ARHGAP18: variants seen among roughly 807,000 people sequenced by gnomAD.
ARHGAP18 encodes Rho GTPase activating protein 18.
Under a neutral mutation model 86.2 loss-of-function variants are expected in ARHGAP18, and 67 were observed. That is an observed-to-expected ratio of 0.78 (90% CI 0.64 to 0.95). The LOEUF is 0.95. ARHGAP18 is among the 40% of genes least tolerant of loss of function. The pLI, the probability that ARHGAP18 is intolerant of heterozygous loss-of-function variation, is 0.00. For missense variants in ARHGAP18, 691 were observed against 780.4 expected, an observed-to-expected ratio of 0.89 and a Z score of 1.37; for synonymous variants, 283 against 280.4, an observed-to-expected ratio of 1.01 and a Z score of -0.09.
At chr6:129,665,729 G>C (rs1774024428) in intron 1 of ARHGAP18, among the ~76,000 whole-genome samples, 1 of 152,132 alleles carries the variant, frequency 6.6e-6, no homozygotes, top group Admixed American at 6.6e-5. Flanking sequence ...GAAAAGCCTG[G>C]ATCATATCCC....
intron 1 of ARHGAP18, 152 bp from the exon 2 acceptor site, chr6:129,642,170 TG>T: frequency 1.5e-6 from 1 of 671,740 alleles, no homozygotes; most frequent in Non-Finnish European, 2.5e-6. Flanking sequence ...CAGTTTACTA[TG>T]GATTATAATA....
In ARHGAP18 at chr6:129,600,645, C is replaced by G; in HGVS notation, c.1569G>C (p.Trp523Cys). The G allele has an allele frequency of 6.2e-7, 1 of 1,612,654 alleles. No homozygotes were observed. Among genetic ancestry groups the G allele is most frequent in the Non-Finnish European group, 8.5e-7 (1 of 1,179,022 alleles). The change falls in exon 11 of 15, where the codon TGG becomes TGC. Residue 523 changes from tryptophan (W) to cysteine (C), a missense_variant. Transcript: ENST00000368149. ...HLLIKYQKLL[W>C]TIPKFIVNQV... ...AAAGCATATGATATATACTTACTGT[C>G]CACAGAAGTTTTTGGTACTTAATCA...
chr6:129,684,142 G>A (rs1014867291), intron 1 of ARHGAP18, among the ~76,000 whole-genome samples: 1 of 152,224 alleles, frequency 6.6e-6, no homozygotes, highest in African/African-American at 2.4e-5. Context: ...GTCAGGAGTG[G>A]CAAGGCAGGC....
At chr6:129,593,781 G>A (rs1436766422) in intron 12 of ARHGAP18, among the ~76,000 whole-genome samples, 1 of 152,052 alleles carries the variant, frequency 6.6e-6, no homozygotes, top group African/African-American at 2.4e-5. Flanking sequence ...TATAATTAAT[G>A]GATAAGACAT....
chr6:129,583,967 T>G (rs774838112), intron 13 of ARHGAP18, 21 bp downstream of exon 13: 1 of 1,609,554 alleles, frequency 6.2e-7, no homozygotes, highest in Admixed American at 1.7e-5. Context: ...ATGGCATAAT[T>G]AACACAAAAC....
rs191935343 is a variant in ARHGAP18, at chr6:129,616,273, G to A, written c.983C>T (p.Ala328Val). Reference protein sequence around the residue: ...DSGLFCVPLTALLEQDQRKVP... With the variant: ...DSGLFCVPLTVLLEQDQRKVP... ...TTTCCTCTGATCTTGTTCTAATAGC[G>A]CTGTCAATGGAACGCAAAAAAGACC... is the stretch of plus-strand genomic sequence containing the variant. The change falls in exon 7 of 15, where the codon GCG (alanine) becomes GTG (valine). Residue 328 changes from alanine (A) to valine (V), a missense_variant. By Grantham distance (64) the Ala-to-Val change is moderately conservative. Transcript: ENST00000368149. The A allele has an allele frequency of 1.7e-5, 28 of 1,609,464 alleles. No individual in the cohort carries two copies. Among genetic ancestry groups the A allele is most frequent in the Admixed American group, 1.5e-4 (9 of 59,878 alleles).
intron 5 of ARHGAP18, among the ~76,000 whole-genome samples, chr6:129,624,876 C>G (rs556316720): frequency 6.2e-4 from 92 of 147,586 alleles, no homozygotes; most frequent in African/African-American, 2.3e-3. Flanking sequence ...ATCCAGGAGG[C>G]GGAGGTTGCA....
intron 12 of ARHGAP18, among the ~76,000 whole-genome samples, chr6:129,593,965 G>A (rs915587683): frequency 6.6e-6 from 1 of 152,104 alleles, no homozygotes. Context: ...TAAACGGTTA[G>A]TTTTAATAGC....
chr6:129,703,086 T>C (rs1385478643), intron 1 of ARHGAP18, among the ~76,000 whole-genome samples: 1 of 151,060 alleles, frequency 6.6e-6, no homozygotes, highest in Non-Finnish European at 1.5e-5. Flanking sequence ...GAGCAAGGAG[T>C]AGAGGGAACT....
At chr6:129,689,519 C>G (rs1405433928) in intron 1 of ARHGAP18, among the ~76,000 whole-genome samples, 1 of 152,074 alleles carries the variant, frequency 6.6e-6, no homozygotes, top group Non-Finnish European at 1.5e-5. Flanking sequence ...TCTCCAACTC[C>G]TAGCCTCAAA....
chr6:129,659,013 T>A (rs1449618924), intron 1 of ARHGAP18, among the ~76,000 whole-genome samples: 1 of 152,214 alleles, frequency 6.6e-6, no homozygotes, highest in Non-Finnish European at 1.5e-5. Context: ...GAAAAGCAGA[T>A]CAAATTAATG....
chr6:129,626,270 G>A (rs1052263139), intron 5 of ARHGAP18, among the ~76,000 whole-genome samples: 19 of 151,454 alleles, frequency 1.3e-4, no homozygotes, highest in Non-Finnish European at 2.2e-4. Context: ...ACACCACTAA[G>A]TCAACAAAAC....
chr6:129,627,785 T>A (rs1203319132), intron 5 of ARHGAP18, among the ~76,000 whole-genome samples: 1 of 152,146 alleles, frequency 6.6e-6, no homozygotes, highest in Non-Finnish European at 1.5e-5. Flanking sequence ...TGACTCAAAC[T>A]GTATAAAAAG....
Position 129,616,247 on chromosome 6 carries a change from C to G in ARHGAP18, c.1009G>C (p.Val337Leu). 1 of 1,611,748 alleles carries G rather than the reference C, an allele frequency of 6.2e-7. No individual in the cohort carries two copies. The highest frequency in any genetic ancestry group is 8.5e-7 in the Non-Finnish European group (1 of 1,178,734). Residue 337 changes from valine to leucine, a missense_variant, in exon 7 of 15, where the codon GTA (valine) becomes CTA (leucine). By Grantham distance (32) the Val-to-Leu change is conservative. Coordinates refer to ENST00000368149, the MANE Select transcript of ARHGAP18 (RefSeq NM_033515.3). ...ATCAAGGGTATTCGCATTCCTGGTA[C>G]TTTCCTCTGATCTTGTTCTAATAGC... ...TALLEQDQRK[V>L]PGMRIPLIFQ...
chr6:129,687,483 G>A (rs1039762695), intron 1 of ARHGAP18, among the ~76,000 whole-genome samples: 1 of 152,126 alleles, frequency 6.6e-6, no homozygotes, highest in African/African-American at 2.4e-5. Context: ...GGACACCTGG[G>A]CTCAGGCTCA....
At chr6:129,629,317 A>G (rs1773136016) in intron 5 of ARHGAP18, 36 bp downstream of exon 5, 4 of 1,580,048 alleles carry the variant, frequency 2.5e-6, no homozygotes, top group South Asian at 1.1e-5. Flanking sequence ...ATGTATATGT[A>G]CATATATGTA....
intron 3 of ARHGAP18, among the ~76,000 whole-genome samples, chr6:129,637,420 C>A (rs1038268245): frequency 2.0e-5 from 3 of 152,220 alleles, no homozygotes; most frequent in African/African-American, 7.2e-5. Context: ...CCAGACCCCA[C>A]AGCTTTTATT....
At chr6:129,703,211 T>C (rs1276846535) in intron 1 of ARHGAP18, among the ~76,000 whole-genome samples, 1 of 152,194 alleles carries the variant, frequency 6.6e-6, no homozygotes, top group African/African-American at 2.4e-5. Flanking sequence ...AACAGATAAT[T>C]TGTTCTGGCA....
At chr6:129,629,852 G>T (rs1328094621) in intron 4 of ARHGAP18, among the ~76,000 whole-genome samples, 1 of 152,068 alleles carries the variant, frequency 6.6e-6, no homozygotes, top group African/African-American at 2.4e-5. Context: ...AGTATTAATT[G>T]TTGTTTTATT....
Sources: gnomAD v4.1 joint callset for allele counts (sites outside exome capture counted in the v4.1 genomes callset) on GRCh38, gnomAD v4.1.1 for gene constraint, MANE v1.5 for transcripts, NCBI Gene and HGNC (gene_info 2026-07-23, HGNC 2026-07-21) for gene names.